CLCC1: variants seen among roughly 807,000 people sequenced by gnomAD.
The protein encoded by CLCC1 is chloride channel CLIC like 1, also known as chloride channel CLIC-like protein 1.
CLCC1 carries 39 observed loss-of-function variants against 63.3 expected under a neutral mutation model. The observed-to-expected ratio is 0.62, with a 90% confidence interval of 0.48 to 0.81. The LOEUF is 0.81. Ranked by LOEUF, CLCC1 falls within the 30% of genes least tolerant of loss-of-function variation. The pLI, the probability that CLCC1 is intolerant of heterozygous loss-of-function variation, is 0.00. For synonymous variants in CLCC1, 217 were observed against 239.8 expected (o/e 0.90, Z 0.88); for missense variants, 549 against 669.4 (o/e 0.82, Z 1.98).
chr1:108,936,981 G>A, intron 11 of CLCC1, 96 bp downstream of exon 11: 1 of 812,364 alleles, frequency 1.2e-6, no homozygotes, highest in Non-Finnish European at 1.7e-6. Context: ...TATAATTAAG[G>A]GTGAGGGGTA....
chr1:108,963,478 A>T lies in CLCC1; in HGVS notation c.-290T>A. On this transcript the variant is annotated 5_prime_UTR_variant, in exon 1 of 13. Coordinates refer to ENST00000369969, the MANE Select transcript of CLCC1 (RefSeq NM_001377458.1). Reference sequence around the variant, plus strand: ...CGTGCTTCCTGGGCCTCGTCATCGAATTGTTCGGCTGACGGCTGCGTGTCC... The same window carrying T: ...CGTGCTTCCTGGGCCTCGTCATCGATTTGTTCGGCTGACGGCTGCGTGTCC... The T allele has an allele frequency of 1.4e-6, 1 of 701,702 alleles. No individual in the cohort carries two copies. 43.5% of individuals were successfully genotyped at this position (701,702 alleles called of 1,614,324 possible). A position where few individuals can be genotyped will look rare whatever the true frequency, so the allele number is the denominator to read the frequency against.
Position 108,929,622 on chromosome 1 carries a change from G to C in CLCC1, c.*2925C>G, listed in dbSNP as rs1651550056. 16 of 1,359,866 alleles carry C rather than the reference G, an allele frequency of 1.2e-5. No homozygotes were observed. The highest frequency in any genetic ancestry group is 3.4e-5 in the Admixed American group (2 of 58,962). The allele number at this position is 1,359,866 out of a possible 1,614,324, so 84.2% of individuals were successfully genotyped here. On this transcript the variant is annotated 3_prime_UTR_variant, in exon 13 of 13. Transcript: ENST00000369969. ...TAAAAGTTTACAACTGCGTTTTCTT[G>C]TTGTGACTGAGAGATTTAACATAGC...
At chr1:108,936,100 T>G (rs1047846023) in intron 11 of CLCC1, among the ~76,000 whole-genome samples, 7 of 145,710 alleles carry the variant, frequency 4.8e-5, no homozygotes, top group African/African-American at 1.8e-4. Context: ...TTTTTTTTTT[T>G]TTTTTTTTTT....
rs1327065562 is a variant in CLCC1 at position 108,937,259 on chromosome 1, T to C, written c.1201A>G (p.Arg401Gly). The change falls in exon 11 of 13, where the codon AGG (arginine) becomes GGG (glycine). Residue 401 changes from arginine to glycine, a missense_variant. Physicochemically the swap from Arg to Gly is moderately radical, Grantham distance 125 (BLOSUM62 -2). Transcript: ENST00000369969. The part of the protein sequence containing the change: ...GGAGDADFHY[R>G]GQMGPTEQGP... ...TGCTCAGTGGGGCCCATTTGGCCCC[T>C]ATAATGGAAATCGGCATCACCTGCT... 5.6e-6 allele frequency: 9 copies of C among 1,614,088 alleles called. No individual in the cohort carries two copies. The highest frequency in any genetic ancestry group is 2.7e-5 in the African/African-American group (2 of 74,930).
intron 2 of CLCC1, among the ~76,000 whole-genome samples, chr1:108,956,888 G>GCGGGGAGGCGGGGAGGCGGGGAGA (rs1655973224): frequency 6.9e-6 from 1 of 144,998 alleles, no homozygotes; most frequent in African/African-American, 2.6e-5. Flanking sequence ...AGGCAGGGAG[G>GCGGGGAGGCGGGGAGGCGGGGAGA]CGGGGAGGCG....
chr1:108,961,814 G>A (rs945055873), intron 2 of CLCC1, among the ~76,000 whole-genome samples: 1 of 151,906 alleles, frequency 6.6e-6, no homozygotes, highest in Admixed American at 6.6e-5. Context: ...AGCCGAGATC[G>A]CGCCATTGCA....
In CLCC1 at chr1:108,940,239, C is replaced by T. The variant is rs573760330; in HGVS notation, c.797-97G>A. The T allele has an allele frequency of 1.7e-5, 11 of 648,854 alleles. No individual in the cohort carries two copies. In the South Asian group the frequency reaches 1.9e-4, roughly 11 times the overall value. 40.2% of individuals were successfully genotyped at this position (648,854 alleles called of 1,614,324 possible). ...CTTTGGTTTTGACCCTCCCTGACCA[C>T]CCACCAATGAGTTTTAAATTATCTT... On this transcript the variant is annotated intron_variant, in intron 8 of 12. Coordinates refer to ENST00000369969, the MANE Select transcript of CLCC1 (RefSeq NM_001377458.1).
intron 2 of CLCC1, among the ~76,000 whole-genome samples, chr1:108,950,986 G>A (rs887084988): frequency 3.3e-5 from 5 of 152,120 alleles, no homozygotes; most frequent in South Asian, 4.1e-4. Context: ...TTTTCCATAT[G>A]GCCCAGCAAT....
intron 8 of CLCC1, 23 bp from the exon 9 acceptor site, chr1:108,940,165 C>T (rs2101640005): frequency 6.8e-7 from 1 of 1,467,724 alleles, no homozygotes. Flanking sequence ...ACAGACAAAA[C>T]ACTGATCATT....
Position 108,929,869 on chromosome 1 carries a change from C to T in CLCC1, c.*2678G>A. On this transcript the variant is annotated 3_prime_UTR_variant, in exon 13 of 13. Transcript: ENST00000369969. Reference sequence around the variant, plus strand: ...TCAAAACAGAGACACTGACTTTGGGCTAAAGGACTTTTTGCAAAATAATGC... The same window carrying T: ...TCAAAACAGAGACACTGACTTTGGGTTAAAGGACTTTTTGCAAAATAATGC... 6.2e-7 allele frequency: 1 copy of T among 1,613,692 alleles called. No individual in the cohort carries two copies. Among genetic ancestry groups the T allele is most frequent in the East Asian group, 2.2e-5 (1 of 44,860 alleles).
chr1:108,930,640 G>C lies in CLCC1; in HGVS notation c.*1907C>G, dbSNP rs1326634134. ...GCAGTGGCTCACACCTGTAATCCCAGCACTTTGGGAGGCCGAAGCGGGCGG... is the reference window on the plus strand; with the variant it reads ...GCAGTGGCTCACACCTGTAATCCCACCACTTTGGGAGGCCGAAGCGGGCGG... On this transcript the variant is annotated 3_prime_UTR_variant, in exon 13 of 13. Coordinates refer to ENST00000369969, the MANE Select transcript of CLCC1 (RefSeq NM_001377458.1). 1.3e-5 allele frequency: 2 copies of C among 152,364 alleles called. No individual in the cohort carries two copies. Among genetic ancestry groups the C allele is most frequent in the African/African-American group, 4.8e-5 (2 of 41,376 alleles). 9.4% of individuals were successfully genotyped at this position (152,364 alleles called of 1,614,324 possible).
At chr1:108,962,132 G>A (rs1452440356) in intron 2 of CLCC1, among the ~76,000 whole-genome samples, 177 bp downstream of exon 2, 1 of 152,188 alleles carries the variant, frequency 6.6e-6, no homozygotes, top group Non-Finnish European at 1.5e-5. Context: ...CTGTTGGAAC[G>A]ACATCTCCAC....
rs1270737525 is a variant in CLCC1, at chr1:108,958,446, G to A, written c.-12+3863C>T. On this transcript the variant is annotated intron_variant, in intron 2 of 12. Transcript: ENST00000369969. ...ATCCATCTGGGTTACGACTGCTGTG[G>A]TATCTCAGTGCGTGTGTTCAAGGAA... Among the ~76,000 whole-genome samples, 6 of 151,638 alleles carry A rather than the reference G, an allele frequency of 4.0e-5. No individual in the cohort carries two copies. The East Asian group carries it at 1.2e-3, about 29-fold the overall frequency.
At chr1:108,949,981 G>T in intron 3 of CLCC1, 60 bp from the exon 4 acceptor site, 1 of 1,011,182 alleles carries the variant, frequency 9.9e-7, no homozygotes, top group Non-Finnish European at 1.5e-6. Context: ...AATAGCCTTT[G>T]GTTAATGAAG....
At chr1:108,939,610 G>C in intron 10 of CLCC1, 26 bp downstream of exon 10, 1 of 1,605,134 alleles carries the variant, frequency 6.2e-7, no homozygotes, top group Non-Finnish European at 8.5e-7. Flanking sequence ...CGCCTGGCCC[G>C]ACAGTGCTAA....
At chr1:108,960,757 T>A (rs1394161265) in intron 2 of CLCC1, among the ~76,000 whole-genome samples, 1 of 152,038 alleles carries the variant, frequency 6.6e-6, no homozygotes, top group Non-Finnish European at 1.5e-5. Flanking sequence ...GTGAGGAGGT[T>A]AGGATGGGGG....
chr1:108,954,328 C>CA (rs760305091), intron 2 of CLCC1, among the ~76,000 whole-genome samples: 1 of 150,684 alleles, frequency 6.6e-6, no homozygotes, highest in South Asian at 2.1e-4. Context: ...TCTAATAAAA[C>CA]AACAACAACA....
At chr1:108,961,720 G>A (rs1400861016) in intron 2 of CLCC1, among the ~76,000 whole-genome samples, 1 of 152,068 alleles carries the variant, frequency 6.6e-6, no homozygotes, top group East Asian at 1.9e-4. Context: ...GTAGCAGGGC[G>A]TGGTGGCGCA....
At chr1:108,961,162 T>C (rs1656577425) in intron 2 of CLCC1, among the ~76,000 whole-genome samples, 1 of 151,892 alleles carries the variant, frequency 6.6e-6, no homozygotes, top group South Asian at 2.1e-4. Context: ...AGCTAGAAAT[T>C]CAAGCCCTCC....
Sources: allele counts gnomAD v4.1 joint callset (sites outside exome capture counted in the v4.1 genomes callset), GRCh38; gene constraint gnomAD v4.1.1; transcripts MANE v1.5; gene names NCBI Gene and HGNC (gene_info 2026-07-23, HGNC 2026-07-21).